Variants in DCAF6 observed in about 807,000 individuals in gnomAD.
The protein encoded by DCAF6 is DDB1- and CUL4-associated factor 6.
DCAF6 carries 54 observed loss-of-function variants against 125.1 expected under a neutral mutation model. That is an observed-to-expected ratio of 0.43 (90% CI 0.35 to 0.54). DCAF6 has a LOEUF of 0.54. Among genes scored for constraint, DCAF6 ranks in the 20% least tolerant of loss-of-function variants. The probability of loss-of-function intolerance (pLI) is 0.01; values close to 1 mark genes in which losing one functional copy is unlikely to be tolerated. For missense variants in DCAF6, 934 were observed against 1,161.7 expected (o/e 0.80, Z 2.85); for synonymous variants, 371 against 390.4 (o/e 0.95, Z 0.58).
the DCAF6 span, chr1:167,893,741 G>T: frequency 1.7e-6 from 1 of 605,324 alleles, no homozygotes; most frequent in Non-Finnish European, 3.0e-6. Flanking sequence ...TATTTTAATG[G>T]AACATTTTAC....
At position 168,050,902 on chromosome 1, in the gene DCAF6, A is replaced by G. The variant is rs1689830847; in HGVS notation, c.2269A>G (p.Arg757Gly). Residue 757 changes from arginine (R) to glycine (G), a missense_variant, in exon 17 of 22, where the codon AGA (arginine) becomes GGA (glycine). Arg to Gly is a moderately radical substitution (Grantham distance 125, BLOSUM62 -2). Around this residue, in one of 5 missense-constraint regions of DCAF6, gnomAD observed 559 missense variants for 635.5 expected, o/e 0.88. Coordinates refer to ENST00000367840, the MANE Select transcript of DCAF6 (RefSeq NM_001198956.2). ...RAGPGDRFNI[R>G]GTTIGDRIMR... ...TGTTCCCTTCACTAGATTTAATATC[A>G]GAGGAACAACAATAGGTGATAGAAT... is the stretch of plus-strand genomic sequence containing the variant. 3 of 1,380,864 alleles carry G rather than the reference A, an allele frequency of 2.2e-6. No homozygotes were observed. Among genetic ancestry groups the G allele is most frequent in the Non-Finnish European group, 2.9e-6 (3 of 1,043,304 alleles). 85.5% of individuals were successfully genotyped at this position (1,380,864 alleles called of 1,614,324 possible). A position where few individuals can be genotyped will look rare whatever the true frequency, so the allele number is the denominator to read the frequency against.
intron 16 of DCAF6, 112 bp from the exon 17 acceptor site, chr1:168,050,780 T>G: frequency 5.5e-6 from 3 of 542,070 alleles, no homozygotes; most frequent in Non-Finnish European, 8.8e-6. Flanking sequence ...GAAACAAAAG[T>G]TTTTTTTTAA....
chr1:167,993,691 G>A (rs1231163960), intron 7 of DCAF6, among the ~76,000 whole-genome samples: 2 of 152,100 alleles, frequency 1.3e-5, no homozygotes, highest in Non-Finnish European at 2.9e-5. Flanking sequence ...GGAGGTTGTG[G>A]TGAGCCGAAA....
chr1:168,035,588 A>G (rs974965342), intron 12 of DCAF6, among the ~76,000 whole-genome samples: 2 of 152,202 alleles, frequency 1.3e-5, no homozygotes, highest in Non-Finnish European at 2.9e-5. Flanking sequence ...TTTTGTGACT[A>G]ACAGAAGAGT....
the DCAF6 span, among the ~76,000 whole-genome samples, chr1:167,889,022 C>G: frequency 1.3e-5 from 2 of 151,974 alleles, no homozygotes; most frequent in African/African-American, 4.8e-5. Context: ...ATAAGATCAT[C>G]TGAAAACAAG....
chr1:167,910,919 T>C, the DCAF6 span, among the ~76,000 whole-genome samples: 1 of 152,194 alleles, frequency 6.6e-6, no homozygotes, highest in Non-Finnish European at 1.5e-5. Context: ...AAATAAACAA[T>C]TTTTTAGTAT....
intron 2 of DCAF6, among the ~76,000 whole-genome samples, chr1:167,960,750 T>C (rs1366323867): frequency 4.6e-5 from 7 of 152,228 alleles, no homozygotes; most frequent in Non-Finnish European, 7.3e-5. Flanking sequence ...AAATATGGTC[T>C]GTCTTGGTAA....
intron 4 of DCAF6, among the ~76,000 whole-genome samples, chr1:167,984,685 C>A (rs751235539): frequency 2.0e-5 from 3 of 152,140 alleles, no homozygotes; most frequent in African/African-American, 7.2e-5. Flanking sequence ...TAAAAATTCT[C>A]ATTTTCCTTG....
chr1:168,028,236 A>T (rs1017545637), intron 12 of DCAF6, among the ~76,000 whole-genome samples: 1 of 152,128 alleles, frequency 6.6e-6, no homozygotes. Flanking sequence ...AACTTAACAA[A>T]TTTTTCCTCT....
intron 4 of DCAF6, among the ~76,000 whole-genome samples, chr1:167,982,791 A>G (rs913935078): frequency 1.3e-5 from 2 of 152,110 alleles, no homozygotes; most frequent in Non-Finnish European, 2.9e-5. Context: ...TTATAGTTCG[A>G]GGTCTTACAT....
At chr1:167,931,697 T>C (rs938612129), upstream of DCAF6, among the ~76,000 whole-genome samples, 2 of 152,112 alleles carry the variant, frequency 1.3e-5, no homozygotes, top group Non-Finnish European at 2.9e-5. Context: ...ATTTGATCCA[T>C]ATTAGATTTT....
chr1:167,985,516 T>G (rs1679874852), intron 4 of DCAF6, among the ~76,000 whole-genome samples: 1 of 152,154 alleles, frequency 6.6e-6, no homozygotes, highest in East Asian at 1.9e-4. Flanking sequence ...CTCTCCTGCC[T>G]TGTTTTGCTC....
intron 1 of DCAF6, among the ~76,000 whole-genome samples, chr1:167,944,992 G>A (rs1466090394): frequency 6.6e-6 from 1 of 152,176 alleles, no homozygotes; most frequent in Non-Finnish European, 1.5e-5. Context: ...TTTCCACAGT[G>A]TATGTTCTTG....
chr1:168,043,685 A>T (rs1426338696), intron 14 of DCAF6, among the ~76,000 whole-genome samples: 2 of 152,170 alleles, frequency 1.3e-5, no homozygotes, highest in African/African-American at 4.8e-5. Context: ...TGAAGGAATA[A>T]ATGAATTATA....
At chr1:167,879,537 C>T in the DCAF6 span, among the ~76,000 whole-genome samples, 1 of 152,148 alleles carries the variant, frequency 6.6e-6, no homozygotes, top group African/African-American at 2.4e-5. Flanking sequence ...CCTGCCCCAT[C>T]CTCACCCCCA....
chr1:168,013,741 C>G (rs1409046311), intron 10 of DCAF6, among the ~76,000 whole-genome samples: 1 of 151,896 alleles, frequency 6.6e-6, no homozygotes, highest in East Asian at 1.9e-4. Context: ...ACAAACTTCT[C>G]TTGATTATTA....
At chr1:167,927,498 T>C in the DCAF6 span, among the ~76,000 whole-genome samples, 4 of 152,194 alleles carry the variant, frequency 2.6e-5, no homozygotes, top group Non-Finnish European at 4.4e-5. Flanking sequence ...AGTCAGTCCA[T>C]GTATTGTTTT....
the DCAF6 span, among the ~76,000 whole-genome samples, chr1:167,890,893 C>G: frequency 6.6e-6 from 1 of 152,168 alleles, no homozygotes; most frequent in East Asian, 1.9e-4. Context: ...TTCCCAAGGT[C>G]ACATAAGGAC....
intron 6 of DCAF6, among the ~76,000 whole-genome samples, chr1:167,991,644 G>A (rs893017533): frequency 2.0e-5 from 3 of 152,136 alleles, no homozygotes; most frequent in African/African-American, 7.2e-5. Flanking sequence ...GAGGCTCAGT[G>A]TCTGAAATCA....
Sources: gnomAD v4.1 joint callset for allele counts (sites outside exome capture counted in the v4.1 genomes callset) on GRCh38, gnomAD v4.1.1 for gene constraint, gnomAD v4.1.1 regional missense constraint, MANE v1.5 for transcripts, NCBI Gene and HGNC (gene_info 2026-07-23, HGNC 2026-07-21) for gene names.